RBMS3: variants seen among roughly 807,000 people sequenced by gnomAD.
RBMS3 encodes RNA binding motif single stranded interacting protein 3, also known as RNA-binding motif, single-stranded-interacting protein 3.
A neutral mutation model predicts 66.8 loss-of-function variants in RBMS3; 27 were observed. The ratio of observed to expected loss-of-function variants is 0.40; its 90% CI spans 0.30 to 0.56. The LOEUF (loss-of-function observed/expected upper bound fraction) is 0.56. Ranked by LOEUF, RBMS3 falls within the 20% of genes least tolerant of loss-of-function variation. The pLI is 0.40. For missense variants in RBMS3, 513 were observed against 549.5 expected (o/e 0.93, Z 0.66); for synonymous variants, 188 against 183.0 (o/e 1.03, Z -0.22).
At chr3:29,998,170 T>C (rs1329907733) in intron 14 of RBMS3, among the ~76,000 whole-genome samples, 1 of 152,156 alleles carries the variant, frequency 6.6e-6, no homozygotes, top group Non-Finnish European at 1.5e-5. Flanking sequence ...TCACAATTGC[T>C]TCAAAGAGAA....
intron 1 of RBMS3, among the ~76,000 whole-genome samples, chr3:29,366,192 T>C (rs1429478994): frequency 6.6e-6 from 1 of 152,144 alleles, no homozygotes; most frequent in Middle Eastern, 3.2e-3. Flanking sequence ...CCTAAAATAA[T>C]TTGTGAAATT....
At chr3:29,745,898 TA>T (rs3836344) in intron 5 of RBMS3, among the ~76,000 whole-genome samples, 63 of 147,916 alleles carry the variant, frequency 4.3e-4, no homozygotes, top group Non-Finnish European at 5.5e-4. Context: ...TTTCATTAAG[TA>T]AAAAAAAAAA....
intron 4 of RBMS3, among the ~76,000 whole-genome samples, chr3:29,609,290 G>A (rs1291543624): frequency 6.6e-6 from 1 of 151,942 alleles, no homozygotes; most frequent in Admixed American, 6.6e-5. Flanking sequence ...ATGTAGAGGT[G>A]ACAACTGCAG....
intron 1 of RBMS3, among the ~76,000 whole-genome samples, chr3:29,390,077 A>G (rs978063563): frequency 3.9e-5 from 6 of 152,004 alleles, no homozygotes; most frequent in African/African-American, 1.4e-4. Context: ...CTCCTACAAA[A>G]CCCCTTGATA....
rs1385852744 is a variant in RBMS3 at position 29,451,002 on chromosome 3, A to G, written c.248+16087A>G. On this transcript the variant is annotated intron_variant, in intron 2 of 14. Transcript: ENST00000383767. The stretch of plus-strand genomic sequence containing the variant: ...ATATTTGGGAGCTGTAATTTCCTCA[A>G]AGGTAGGCACGGTATTGTCTTCATC... Among the ~76,000 whole-genome samples the G allele has an allele frequency of 2.0e-5, 3 of 152,012 alleles. No homozygotes were observed. The East Asian group carries it at 5.8e-4, about 30-fold the overall frequency.
chr3:29,869,348 A>G (rs1487288873), intron 7 of RBMS3, among the ~76,000 whole-genome samples: 1 of 152,156 alleles, frequency 6.6e-6, no homozygotes, highest in Non-Finnish European at 1.5e-5. Context: ...GTTTTGAAAC[A>G]GGCAGACAAA....
intron 1 of RBMS3, among the ~76,000 whole-genome samples, chr3:29,318,181 G>T (rs1420700602): frequency 6.6e-6 from 1 of 151,628 alleles, no homozygotes; most frequent in African/African-American, 2.4e-5. Context: ...ATAATATTCT[G>T]GTGTCTTCAC....
chr3:29,406,197 G>A (rs1041338531), intron 1 of RBMS3, among the ~76,000 whole-genome samples: 3 of 152,228 alleles, frequency 2.0e-5, no homozygotes, highest in African/African-American at 4.8e-5. Flanking sequence ...TGTGTTAAAT[G>A]GTTGTGGCTC....
intron 4 of RBMS3, among the ~76,000 whole-genome samples, chr3:29,702,556 T>C (rs1485481617): frequency 6.6e-6 from 1 of 152,118 alleles, no homozygotes; most frequent in Non-Finnish European, 1.5e-5. Flanking sequence ...ACTTTTTGAG[T>C]CCACACCATC....
At chr3:29,857,261 T>A (rs1577007931) in intron 6 of RBMS3, among the ~76,000 whole-genome samples, 1 of 152,296 alleles carries the variant, frequency 6.6e-6, no homozygotes, top group East Asian at 1.9e-4. Flanking sequence ...GAGTTGGAGT[T>A]CAGTCTAAGG....
chr3:29,482,310 C>CA (rs1260745699), intron 2 of RBMS3, among the ~76,000 whole-genome samples: 2 of 152,110 alleles, frequency 1.3e-5, no homozygotes, highest in Admixed American at 1.3e-4. Flanking sequence ...TGAGAACCAG[C>CA]AAATAAGTGA....
chr3:29,710,633 G>A (rs1018217226), intron 4 of RBMS3, among the ~76,000 whole-genome samples: 1 of 152,184 alleles, frequency 6.6e-6, no homozygotes, highest in East Asian at 1.9e-4. Context: ...TGAAAACATA[G>A]TGTGTTAGTT....
At chr3:29,763,237 A>G (rs923375143) in intron 6 of RBMS3, among the ~76,000 whole-genome samples, 5 of 152,120 alleles carry the variant, frequency 3.3e-5, no homozygotes, top group Non-Finnish European at 7.4e-5. Flanking sequence ...ATAGCAAAGA[A>G]TAGTTAAAGA....
intron 5 of RBMS3, among the ~76,000 whole-genome samples, chr3:29,754,027 G>T (rs188224755): frequency 6.6e-6 from 1 of 150,394 alleles, no homozygotes; most frequent in Non-Finnish European, 1.5e-5. Flanking sequence ...GCACGATTTT[G>T]GCTGACTGCA....
chr3:29,409,977 A>T (rs958205661), intron 1 of RBMS3, among the ~76,000 whole-genome samples: 3 of 152,096 alleles, frequency 2.0e-5, no homozygotes, highest in Non-Finnish European at 2.9e-5. Context: ...GGGAATGTTC[A>T]CATTGGTTTT....
rs938734720 is a variant in RBMS3, at chr3:29,536,064, T to G, written c.307+47565T>G. 2.0e-5 allele frequency among the ~76,000 whole-genome samples: 3 copies of G among 152,158 alleles called. 1 individual carries two copies. In the South Asian group the frequency reaches 6.2e-4, roughly 32 times the overall value. ...ACCCACTACAAATGACGTCTGAATC[T>G]CTTAACAAGGATGAATAAAAAGACC... is the stretch of plus-strand genomic sequence containing the variant. On this transcript the variant is annotated intron_variant, in intron 3 of 14. Coordinates refer to ENST00000383767, the MANE Select transcript of RBMS3 (RefSeq NM_001003793.3).
At chr3:29,639,960 A>G (rs1576417565) in intron 4 of RBMS3, among the ~76,000 whole-genome samples, 1 of 151,856 alleles carries the variant, frequency 6.6e-6, no homozygotes, top group East Asian at 1.9e-4. Context: ...ATTGAAACAT[A>G]AACTTTTTGC....
intron 6 of RBMS3, among the ~76,000 whole-genome samples, chr3:29,841,071 T>C (rs2058652069): frequency 6.6e-6 from 1 of 151,996 alleles, no homozygotes; most frequent in Non-Finnish European, 1.5e-5. Context: ...GATATTGTTT[T>C]ATGATTTTCC....
At chr3:29,930,383 A>G (rs568104339) in intron 10 of RBMS3, among the ~76,000 whole-genome samples, 66 of 151,798 alleles carry the variant, frequency 4.3e-4, no homozygotes, top group Non-Finnish European at 7.8e-4. Flanking sequence ...AAGTGCTGGG[A>G]TTACAGGCGT....
Sources: allele counts gnomAD v4.1 joint callset (sites outside exome capture counted in the v4.1 genomes callset), GRCh38; gene constraint gnomAD v4.1.1; transcripts MANE v1.5; gene names NCBI Gene and HGNC (gene_info 2026-07-23, HGNC 2026-07-21).